LAMA2: variants seen among roughly 807,000 people sequenced by gnomAD.
The protein encoded by LAMA2 is laminin subunit alpha-2.
Under a neutral mutation model 364.8 loss-of-function variants are expected in LAMA2, and 269 were observed. The ratio of observed to expected loss-of-function variants is 0.74; its 90% CI spans 0.67 to 0.82. LAMA2 has a LOEUF of 0.82. LAMA2 is among the 40% of genes least tolerant of loss of function. The pLI is 0.00. For synonymous variants in LAMA2, 1,379 were observed against 1,370.6 expected, an observed-to-expected ratio of 1.01 and a Z score of -0.14; for missense variants, 3,807 against 3,873.2, an observed-to-expected ratio of 0.98 and a Z score of 0.45.
chr6:129,193,844 T>C (rs1781680636), intron 12 of LAMA2, among the ~76,000 whole-genome samples: 1 of 152,226 alleles, frequency 6.6e-6, no homozygotes, highest in South Asian at 2.1e-4. Flanking sequence ...TAGAAAAACT[T>C]AGTATCTCAT....
Position 129,287,913 on chromosome 6 carries a change from T to C in LAMA2, c.2604T>C (p.Asn868=). The C allele has an allele frequency of 6.2e-7, 1 of 1,614,104 alleles. No individual in the cohort carries two copies. Residue 868 remains asparagine (N), a synonymous_variant, in exon 19 of 65, where the codon AAT becomes AAC. Transcript: ENST00000421865. The part of the protein sequence containing the change: ...PGGSCQPCQC[N]DNLDFSIPGS... The stretch of plus-strand genomic sequence containing the variant: ...GATCATGTCAGCCATGCCAATGCAA[T>C]GACAACCTTGACTTCTCCATCCCTG...
intron 3 of LAMA2, among the ~76,000 whole-genome samples, chr6:129,068,825 G>A (rs1223394928): frequency 6.6e-6 from 1 of 152,112 alleles, no homozygotes; most frequent in African/African-American, 2.4e-5. Context: ...TAACAGAGAA[G>A]TCTGGGACTG....
At chr6:128,908,309 C>T (rs1273187520) in intron 1 of LAMA2, among the ~76,000 whole-genome samples, 1 of 152,110 alleles carries the variant, frequency 6.6e-6, no homozygotes, top group Non-Finnish European at 1.5e-5. Context: ...GTCACAATTT[C>T]AGATCCTGTT....
intron 1 of LAMA2, among the ~76,000 whole-genome samples, chr6:128,940,102 A>G (rs1477616833): frequency 6.6e-6 from 1 of 151,494 alleles, no homozygotes; most frequent in Non-Finnish European, 1.5e-5. Flanking sequence ...TTCATAATGG[A>G]TTTTTTTTTG....
intron 1 of LAMA2, among the ~76,000 whole-genome samples, chr6:129,035,047 A>G (rs1479676927): frequency 6.6e-6 from 1 of 152,018 alleles, no homozygotes; most frequent in Non-Finnish European, 1.5e-5. Context: ...TTTGTTCTTT[A>G]AGAACTCTCC....
At chr6:129,418,322 C>T (rs1038853849) in intron 40 of LAMA2, among the ~76,000 whole-genome samples, 2 of 151,896 alleles carry the variant, frequency 1.3e-5, no homozygotes, top group African/African-American at 4.8e-5. Context: ...CTATTTTATA[C>T]TCAATATTCC....
chr6:129,091,068 T>C (rs1469335112), intron 3 of LAMA2, among the ~76,000 whole-genome samples: 1 of 152,132 alleles, frequency 6.6e-6, no homozygotes, highest in Non-Finnish European at 1.5e-5. Flanking sequence ...TATAATCAAG[T>C]CGTTCAGCAC....
chr6:128,890,666 G>A (rs539982699), intron 1 of LAMA2, among the ~76,000 whole-genome samples: 29 of 151,868 alleles, frequency 1.9e-4, no homozygotes, highest in African/African-American at 5.1e-4. Flanking sequence ...TTACATTCTT[G>A]GAACTTTGAT....
Position 129,316,106 on chromosome 6 carries a change from T to A in LAMA2, c.3993T>A (p.Asp1331Glu). The A allele has an allele frequency of 1.2e-6, 2 of 1,609,404 alleles. No homozygotes were observed. Among genetic ancestry groups the A allele is most frequent in the Non-Finnish European group, 8.5e-7 (1 of 1,175,850 alleles). ...HRTVTREDFL[D>E]ILYDIHYILI... is the part of the protein sequence containing the mutation. ...CTGTGACCCGAGAAGACTTCTTGGA[T>A]ATACTATATGATATTCATTACATTC... The change falls in exon 27 of 65, where the codon GAT becomes GAA. Residue 1331 changes from aspartate to glutamate, a missense_variant. Physicochemically the swap from Asp to Glu is conservative, Grantham distance 45 (BLOSUM62 2). Coordinates refer to ENST00000421865, the MANE Select transcript of LAMA2 (RefSeq NM_000426.4).
At chr6:129,159,487 T>A (rs1431593311) in intron 8 of LAMA2, among the ~76,000 whole-genome samples, 1 of 152,190 alleles carries the variant, frequency 6.6e-6, no homozygotes, top group Non-Finnish European at 1.5e-5. Context: ...GGAGAGCGGC[T>A]TTCCTCATCG....
At chr6:129,304,496 C>T (rs1773747690) in intron 22 of LAMA2, among the ~76,000 whole-genome samples, 1 of 152,196 alleles carries the variant, frequency 6.6e-6, no homozygotes, top group East Asian at 1.9e-4. Context: ...ATCTCCTGAC[C>T]TCGTGATCCG....
At chr6:129,394,735 A>G (rs1779512228) in intron 37 of LAMA2, among the ~76,000 whole-genome samples, 1 of 152,254 alleles carries the variant, frequency 6.6e-6, no homozygotes, top group Non-Finnish European at 1.5e-5. Context: ...AAAGCATAGT[A>G]AGTATTTGAG....
At chr6:129,501,549 G>A (rs1785641001) in intron 58 of LAMA2, among the ~76,000 whole-genome samples, 1 of 152,192 alleles carries the variant, frequency 6.6e-6, no homozygotes, top group Non-Finnish European at 1.5e-5. Flanking sequence ...GTGTGCTGAT[G>A]AGTCATCTCT....
rs938813042 is a variant in LAMA2, at chr6:128,921,711, TTTA to T, written c.112+38365_112+38367del. Among the ~76,000 whole-genome samples, 4 of 138,796 alleles carry T rather than the reference TTTA, an allele frequency of 2.9e-5. No homozygotes were observed. The East Asian group carries it at 7.8e-4, about 27-fold the overall frequency. 91.1% of individuals were successfully genotyped at this position (138,796 alleles called of 152,430 possible). A position where few individuals can be genotyped will look rare whatever the true frequency, so the allele number is the denominator to read the frequency against. Reference sequence around the variant, plus strand: ...AATGAATGTCTGTTTTTTTTTTTTTTTTATTATTATTATACTTTAAGTTTTAGG... The same window carrying T: ...AATGAATGTCTGTTTTTTTTTTTTTTTTATTATTATACTTTAAGTTTTAGG... On this transcript the variant is annotated intron_variant, in intron 1 of 64. Transcript: ENST00000421865.
chr6:129,226,789 T>C (rs1784320361), intron 12 of LAMA2, among the ~76,000 whole-genome samples: 1 of 152,170 alleles, frequency 6.6e-6, no homozygotes. Context: ...TCAACTTTGG[T>C]GAATCTGACA....
At chr6:128,962,225 C>A (rs1781581942) in intron 1 of LAMA2, among the ~76,000 whole-genome samples, 3 of 136,880 alleles carry the variant, frequency 2.2e-5, no homozygotes, top group South Asian at 2.4e-4. Context: ...TATGACTTAA[C>A]TCTTATTTTA....
intron 1 of LAMA2, among the ~76,000 whole-genome samples, chr6:128,885,245 G>T (rs1776080286): frequency 6.6e-6 from 1 of 152,084 alleles, no homozygotes; most frequent in African/African-American, 2.4e-5. Flanking sequence ...ACTTAAACCT[G>T]TTAATGTTGA....
intron 1 of LAMA2, among the ~76,000 whole-genome samples, chr6:128,959,833 C>T (rs1781368587): frequency 6.6e-6 from 1 of 151,934 alleles, no homozygotes; most frequent in Non-Finnish European, 1.5e-5. Flanking sequence ...ACTCCCCAAG[C>T]TACTTCTTGA....
rs112556225 is a variant in LAMA2, at chr6:129,360,558, A to G, written c.4718-5661A>G. 2.8e-4 allele frequency among the ~76,000 whole-genome samples: 42 copies of G among 152,322 alleles called. 1 individual carries two copies. The highest frequency in any genetic ancestry group is 9.4e-4 in the African/African-American group (39 of 41,578). ...CTGACCCATTCAGACAGATGTTAGT[A>G]TATTGCTTGGAGCGTACTATAAAAC... On this transcript the variant is annotated intron_variant, in intron 32 of 64. Transcript: ENST00000421865.
Sources: allele counts gnomAD v4.1 joint callset (sites outside exome capture counted in the v4.1 genomes callset), GRCh38; gene constraint gnomAD v4.1.1; transcripts MANE v1.5; gene names NCBI Gene and HGNC (gene_info 2026-07-23, HGNC 2026-07-21).